PINX1: variants seen among roughly 807,000 people sequenced by gnomAD.
PINX1 encodes the protein PIN2/TERF1-interacting telomerase inhibitor 1.
In PINX1, 34 loss-of-function variants were observed where a neutral mutation model predicts 25.4. That is an observed-to-expected ratio of 1.34 (90% CI 1.02 to 1.78). The LOEUF (loss-of-function observed/expected upper bound fraction) is 1.78, where lower values mean the gene tolerates loss of function less well. Ranked by LOEUF, PINX1 falls within the 40% of genes most tolerant of loss-of-function variation. The pLI is 0.00. For synonymous variants in PINX1, 197 were observed against 147.7 expected (o/e 1.33, Z -2.42); for missense variants, 592 against 404.9 (o/e 1.46, Z -3.97).
chr8:10,839,815 G>C lies in PINX1; in HGVS notation c.-59C>G. 6.5e-7 allele frequency: 1 copy of C among 1,539,480 alleles called. No individual in the cohort carries two copies. The highest frequency in any genetic ancestry group is 8.9e-7 in the Non-Finnish European group (1 of 1,128,220). On this transcript the variant is annotated 5_prime_UTR_variant, in exon 1 of 7. Coordinates refer to ENST00000314787, the MANE Select transcript of PINX1 (RefSeq NM_017884.6). ...CTGGGTGACTGCGGCCACTGGGCGGGCTGGAGACTCCAGGAGAATCAGGAC... is the reference window on the plus strand; with the variant it reads ...CTGGGTGACTGCGGCCACTGGGCGGCCTGGAGACTCCAGGAGAATCAGGAC...
chr8:10,824,919 C>T (rs1797990458), intron 5 of PINX1, among the ~76,000 whole-genome samples: 1 of 152,138 alleles, frequency 6.6e-6, no homozygotes, highest in South Asian at 2.1e-4. Context: ...GACTGAGGGC[C>T]AAGGAAGCCT....
intron 6 of PINX1, among the ~76,000 whole-genome samples, chr8:10,817,150 C>T (rs1246796497): frequency 6.6e-6 from 1 of 152,124 alleles, no homozygotes; most frequent in Non-Finnish European, 1.5e-5. Flanking sequence ...TCAGCATCGG[C>T]ACCTAACTAG....
At position 10,826,141 on chromosome 8, in the gene PINX1, C is replaced by G. The variant is rs776152051; in HGVS notation, c.394+11G>C. 1 of 1,447,232 alleles carries G rather than the reference C, an allele frequency of 6.9e-7. No homozygotes were observed. The highest frequency in any genetic ancestry group is 9.6e-7 in the Non-Finnish European group (1 of 1,043,562). The allele number at this position is 1,447,232 out of a possible 1,614,324, so 89.6% of individuals were successfully genotyped here. Reference sequence around the variant, plus strand: ...GATTTCAATAACAAGTAAAGAAATGCTTAATCTTACCTTTTGTGAATTTCA... The same window carrying G: ...GATTTCAATAACAAGTAAAGAAATGGTTAATCTTACCTTTTGTGAATTTCA... On this transcript the variant is annotated intron_variant, in intron 5 of 6. Coordinates refer to ENST00000314787, the MANE Select transcript of PINX1 (RefSeq NM_017884.6).
At chr8:10,839,678 G>A (rs1446120485) in intron 1 of PINX1, 60 bp downstream of exon 1, 4 of 1,550,414 alleles carry the variant, frequency 2.6e-6, no homozygotes, top group Non-Finnish European at 3.5e-6. Context: ...GGGCTGCCGT[G>A]CGCGTCACCC....
chr8:10,802,532 C>G (rs1802300947), intron 6 of PINX1, among the ~76,000 whole-genome samples: 1 of 152,218 alleles, frequency 6.6e-6, no homozygotes, highest in African/African-American at 2.4e-5. Flanking sequence ...ACTCCTATCT[C>G]TTTGCCAGAA....
At chr8:10,784,362 A>C (rs1441936074) in intron 6 of PINX1, among the ~76,000 whole-genome samples, 1 of 152,226 alleles carries the variant, frequency 6.6e-6, no homozygotes. Flanking sequence ...TAAAACTTTT[A>C]ACAATTTGGG....
In PINX1 at chr8:10,820,237, G is replaced by A. The variant is rs750352321; in HGVS notation, c.427C>T (p.Leu143Phe). ...KDLSSRSKTD[L>F]DCIFGKRQSK... Reference sequence around the variant, plus strand: ...TGTCTTTTCCCAAAAATGCAGTCAAGATCTGTTTTGCTCCGAGATGACAGA... The same window carrying A: ...TGTCTTTTCCCAAAAATGCAGTCAAAATCTGTTTTGCTCCGAGATGACAGA... The change falls in exon 6 of 7, where the codon CTT becomes TTT. Residue 143 changes from leucine to phenylalanine, a missense_variant. By Grantham distance (22) the Leu-to-Phe change is conservative (BLOSUM62 0). Coordinates refer to ENST00000314787, the MANE Select transcript of PINX1 (RefSeq NM_017884.6). 22 of 1,612,726 alleles carry A rather than the reference G, an allele frequency of 1.4e-5. No homozygotes were observed. Among genetic ancestry groups the A allele is most frequent in the Non-Finnish European group, 1.6e-5 (19 of 1,178,992 alleles).
chr8:10,813,428 T>C (rs1045615510), intron 6 of PINX1, among the ~76,000 whole-genome samples: 1 of 152,188 alleles, frequency 6.6e-6, no homozygotes, highest in Non-Finnish European at 1.5e-5. Flanking sequence ...ACTTAAGGCA[T>C]TGAATCCAAC....
intron 4 of PINX1, among the ~76,000 whole-genome samples, chr8:10,827,757 A>C (rs539954017): frequency 6.6e-6 from 1 of 151,568 alleles, no homozygotes; most frequent in Non-Finnish European, 1.5e-5. Flanking sequence ...ATACAAAAAA[A>C]AAAATTAGCC....
intron 6 of PINX1, among the ~76,000 whole-genome samples, chr8:10,814,375 CTG>C (rs999662899): frequency 1.3e-5 from 2 of 152,156 alleles, no homozygotes; most frequent in African/African-American, 4.8e-5. Context: ...CTGACAGCTG[CTG>C]TGTCTGGAGG....
At chr8:10,830,058 T>A (rs747206040) in intron 4 of PINX1, among the ~76,000 whole-genome samples, 2 of 152,260 alleles carry the variant, frequency 1.3e-5, no homozygotes, top group African/African-American at 4.8e-5. Flanking sequence ...TAGTAAGGAA[T>A]AGTGTCCTTG....
intron 6 of PINX1, among the ~76,000 whole-genome samples, chr8:10,798,355 T>C (rs1400126992): frequency 6.6e-6 from 1 of 152,206 alleles, no homozygotes; most frequent in African/African-American, 2.4e-5. Flanking sequence ...CCCAAATCCA[T>C]TTCCCTCAAA....
At chr8:10,835,977 C>T (rs1236152670) in intron 1 of PINX1, among the ~76,000 whole-genome samples, 5 of 152,044 alleles carry the variant, frequency 3.3e-5, no homozygotes, top group Admixed American at 3.3e-4. Context: ...ACAAGAATGT[C>T]AAACTGAAAA....
intron 5 of PINX1, among the ~76,000 whole-genome samples, chr8:10,822,508 G>A (rs1321485347): frequency 1.3e-5 from 2 of 152,200 alleles, no homozygotes; most frequent in African/African-American, 4.8e-5. Context: ...GAAAGTTCCT[G>A]CAAGGATGAG....
intron 6 of PINX1, among the ~76,000 whole-genome samples, chr8:10,794,611 G>C (rs982633089): frequency 2.6e-5 from 4 of 152,082 alleles, no homozygotes; most frequent in African/African-American, 7.2e-5. Flanking sequence ...ATTTTTAGTA[G>C]AGACGGGGTT....
intron 6 of PINX1, among the ~76,000 whole-genome samples, chr8:10,811,257 C>G (rs892229993): frequency 1.3e-5 from 2 of 152,190 alleles, no homozygotes; most frequent in Non-Finnish European, 2.9e-5. Context: ...CAAATGCAGG[C>G]ATATGAAACG....
chr8:10,836,223 G>A (rs1253532623), intron 1 of PINX1, among the ~76,000 whole-genome samples: 4 of 151,906 alleles, frequency 2.6e-5, no homozygotes, highest in African/African-American at 9.7e-5. Context: ...CAAATACACA[G>A]GCAGAAAAAA....
chr8:10,785,544 A>AT (rs1563208777), intron 6 of PINX1, among the ~76,000 whole-genome samples: 1 of 152,234 alleles, frequency 6.6e-6, no homozygotes, highest in Non-Finnish European at 1.5e-5. Flanking sequence ...TCACTTATAC[A>AT]AACATTTGTT....
chr8:10,791,491 A>G (rs1230712286), intron 6 of PINX1, among the ~76,000 whole-genome samples: 6 of 152,210 alleles, frequency 3.9e-5, no homozygotes, highest in African/African-American at 7.2e-5. Flanking sequence ...AACCCCTCGG[A>G]CCACCAACAA....
Sources: allele counts gnomAD v4.1 joint callset (sites outside exome capture counted in the v4.1 genomes callset), GRCh38; gene constraint gnomAD v4.1.1; transcripts MANE v1.5; gene names NCBI Gene and HGNC (gene_info 2026-07-23, HGNC 2026-07-21).